Variants in CTC1 observed in about 807,000 individuals in gnomAD.
The protein encoded by CTC1 is CST telomere replication complex component 1, also known as CST complex subunit CTC1.
Under a neutral mutation model 136.3 loss-of-function variants are expected in CTC1, and 91 were observed. The ratio of observed to expected loss-of-function variants is 0.67; its 90% CI spans 0.56 to 0.79. CTC1 has a LOEUF of 0.79. CTC1 is among the 30% of genes least tolerant of loss of function. The pLI is 0.00. For missense variants in CTC1, 1,432 were observed against 1,498.1 expected (o/e 0.96, Z 0.73); for synonymous variants, 606 against 613.8 (o/e 0.99, Z 0.19).
In CTC1 at chr17:8,234,531, A is replaced by G; in HGVS notation, c.1742T>C (p.Leu581Pro). 1 of 1,564,238 alleles carries G rather than the reference A, an allele frequency of 6.4e-7. No individual in the cohort carries two copies. The highest frequency in any genetic ancestry group is 8.7e-7 in the Non-Finnish European group (1 of 1,153,612). Residue 581 changes from leucine (L) to proline (P), a missense_variant, in exon 10 of 23, where the codon CTG (leucine) becomes CCG (proline). Transcript: ENST00000651323. Reference protein sequence around the residue: ...ALLPLPEASYLPSCQLNRRLA... With the variant: ...ALLPLPEASYPPSCQLNRRLA... ...GCGGCGATTGAGTTGGCAGCTGGGC[A>G]GGTAGGAGGCCTCCGGGAGGGGCAG...
At position 8,235,705 on chromosome 17, in the gene CTC1, G is replaced by A. The variant is rs985496488; in HGVS notation, c.1206+126C>T. ...TCTGTCCAAGTTATCCTTAGCAAAA[G>A]TGCCCCCTAACACACACTTTTAATT... On this transcript the variant is annotated intron_variant, in intron 7 of 22. Transcript: ENST00000651323. 19 of 1,024,282 alleles carry A rather than the reference G, an allele frequency of 1.9e-5. 1 individual carries two copies. Among genetic ancestry groups the A allele is most frequent in the Non-Finnish European group, 2.5e-5 (18 of 719,082 alleles). The allele number at this position is 1,024,282 out of a possible 1,614,324, so 63.4% of individuals were successfully genotyped here. A position where few individuals can be genotyped will look rare whatever the true frequency, so the allele number is the denominator to read the frequency against.
chr17:8,234,565 T>G lies in CTC1; in HGVS notation c.1708A>C (p.Lys570Gln). 6.3e-7 allele frequency: 1 copy of G among 1,597,354 alleles called. No individual in the cohort carries two copies. The highest frequency in any genetic ancestry group is 8.5e-7 in the Non-Finnish European group (1 of 1,171,712). Reference protein sequence around the residue: ...QRKAWASFDPKALLPLPEASY... With the variant: ...QRKAWASFDPQALLPLPEASY... ...GCCTCCGGGAGGGGCAGAAGGGCCT[T>G]AGGGTCAAAGGAGGCCCAGGCCTTA... is the stretch of plus-strand genomic sequence containing the variant. Residue 570 changes from lysine to glutamine, a missense_variant, in exon 10 of 23, where the codon AAG (lysine) becomes CAG (glutamine). Coordinates refer to ENST00000651323, the MANE Select transcript of CTC1 (RefSeq NM_025099.6).
Position 8,236,190 on chromosome 17 carries a change from C to T in CTC1, c.945G>A (p.Val315=), listed in dbSNP as rs747627041. ...CTTCCAGCTCCAGTTCCAGCTCCTGCACACATTCTGGTTTCAGCAGCAACA... is the reference window on the plus strand; with the variant it reads ...CTTCCAGCTCCAGTTCCAGCTCCTGTACACATTCTGGTTTCAGCAGCAACA... The part of the protein sequence containing the change: ...SRLLLLKPEC[V]QELELELEGP... The change falls in exon 6 of 23, where the codon GTG becomes GTA. Residue 315 remains valine (V), a synonymous_variant. Coordinates refer to ENST00000651323, the MANE Select transcript of CTC1 (RefSeq NM_025099.6). The T allele has an allele frequency of 6.2e-7, 1 of 1,614,200 alleles. No individual in the cohort carries two copies. The highest frequency in any genetic ancestry group is 8.5e-7 in the Non-Finnish European group (1 of 1,180,042).
chr17:8,231,163 CAAT>C, intron 15 of CTC1, 110 bp downstream of exon 15: 1 of 892,200 alleles, frequency 1.1e-6, no homozygotes, highest in Non-Finnish European at 1.7e-6. Context: ...ACAAAAACAA[CAAT>C]AACAAAAGAA....
chr17:8,241,037 C>T (rs544753680), intron 2 of CTC1, among the ~76,000 whole-genome samples: 89 of 152,110 alleles, frequency 5.9e-4, no homozygotes, highest in Admixed American at 9.8e-4. Context: ...GCCTGTAATC[C>T]CAGCACTCTG....
At chr17:8,242,873 G>T in intron 2 of CTC1, 112 bp downstream of exon 2, 1 of 941,122 alleles carries the variant, frequency 1.1e-6, no homozygotes, top group Non-Finnish European at 1.6e-6. Flanking sequence ...AGACTACCTT[G>T]TCCTCCGCTC....
rs1251110083 is a variant in CTC1 at position 8,230,432 on chromosome 17, G to A, written c.2795C>T (p.Thr932Ile). Residue 932 changes from threonine to isoleucine, a missense_variant, in exon 17 of 23, where the codon ACA becomes ATA. Coordinates refer to ENST00000651323, the MANE Select transcript of CTC1 (RefSeq NM_025099.6). ...TGAMRRCVKL[T>I]VALETAECEF... ...ACATTCAGCAGTCTCAAGAGCGACT[G>A]TTAGCTTCACACACCTTCTCATGGC... is the stretch of plus-strand genomic sequence containing the variant. 6.2e-7 allele frequency: 1 copy of A among 1,614,136 alleles called. No homozygotes were observed.
At chr17:8,237,725 C>T (rs1177331003) in intron 4 of CTC1, among the ~76,000 whole-genome samples, 1 of 128,294 alleles carries the variant, frequency 7.8e-6, no homozygotes, top group Non-Finnish European at 1.6e-5. Flanking sequence ...ATCTTTATTT[C>T]TCTTCTTTTT....
At position 8,227,067 on chromosome 17, in the gene CTC1, T is replaced by C. The variant is rs1986779748; in HGVS notation, c.*1113A>G. On this transcript the variant is annotated 3_prime_UTR_variant, in exon 23 of 23. Coordinates refer to ENST00000651323, the MANE Select transcript of CTC1 (RefSeq NM_025099.6). ...CTAACCAACTGAGCTAACCGGCCAC[T>C]AACTTTCCGGGTCTACTTCAAATCT... 1 of 150,874 alleles carries C rather than the reference T, an allele frequency of 6.6e-6. No homozygotes were observed. Among genetic ancestry groups the C allele is most frequent in the South Asian group, 2.0e-4 (1 of 5,012 alleles). The allele number at this position is 150,874 out of a possible 1,614,324, so 9.3% of individuals were successfully genotyped here.
chr17:8,242,893 C>CT (rs1451695452), intron 2 of CTC1, 92 bp downstream of exon 2: 4 of 1,208,012 alleles, frequency 3.3e-6, no homozygotes, highest in Non-Finnish European at 4.6e-6. Flanking sequence ...CACTCTCTCA[C>CT]TTGCCCTTTT....
At chr17:8,247,246 T>G (rs2151560110) in intron 1 of CTC1, among the ~76,000 whole-genome samples, 1 of 151,012 alleles carries the variant, frequency 6.6e-6, no homozygotes, top group African/African-American at 2.4e-5. Flanking sequence ...TTCAGACACC[T>G]GCTCTATCCT....
At chr17:8,247,069 C>G (rs1988792526) in intron 1 of CTC1, among the ~76,000 whole-genome samples, 1 of 151,362 alleles carries the variant, frequency 6.6e-6, no homozygotes, top group South Asian at 2.1e-4. Context: ...TCTCGGCTCA[C>G]TGCAACCTCC....
chr17:8,231,622 T>C (rs1042860374), intron 14 of CTC1, 104 bp downstream of exon 14: 1 of 1,270,902 alleles, frequency 7.9e-7, no homozygotes, highest in Non-Finnish European at 1.1e-6. Context: ...AATCCAGCCT[T>C]CTTCCAGGAG....
Position 8,232,458 on chromosome 17 carries a change from C to G in CTC1, c.1963G>C (p.Glu655Gln). 6.2e-7 allele frequency: 1 copy of G among 1,614,060 alleles called. No individual in the cohort carries two copies. Among genetic ancestry groups the G allele is most frequent in the Non-Finnish European group, 8.5e-7 (1 of 1,179,942 alleles). Residue 655 changes from glutamate to glutamine, a missense_variant, in exon 12 of 23, where the codon GAG becomes CAG. Physicochemically the swap from Glu to Gln is conservative, Grantham distance 29. Coordinates refer to ENST00000651323, the MANE Select transcript of CTC1 (RefSeq NM_025099.6). ...PRLIGCLVRAERFQLIVERDV... is the reference protein window; with the variant it reads ...PRLIGCLVRAQRFQLIVERDV... Reference sequence around the variant, plus strand: ...CTCTCTACGATCAACTGAAACCTCTCTGCCCGCACCAGGCAGCCTAGAGGA... The same window carrying G: ...CTCTCTACGATCAACTGAAACCTCTGTGCCCGCACCAGGCAGCCTAGAGGA...
chr17:8,247,876 C>T, intron 1 of CTC1, 128 bp downstream of exon 1: 1 of 909,064 alleles, frequency 1.1e-6, no homozygotes, highest in Non-Finnish European at 1.8e-6. Context: ...GACCGACTCA[C>T]AACCCCCTCA....
At position 8,228,079 on chromosome 17, in the gene CTC1, G is replaced by A; in HGVS notation, c.*101C>T. 1 of 1,159,774 alleles carries A rather than the reference G, an allele frequency of 8.6e-7. No individual in the cohort carries two copies. Among genetic ancestry groups the A allele is most frequent in the Non-Finnish European group, 1.2e-6 (1 of 800,212 alleles). 71.8% of individuals were successfully genotyped at this position (1,159,774 alleles called of 1,614,324 possible). A position where few individuals can be genotyped will look rare whatever the true frequency, so the allele number is the denominator to read the frequency against. On this transcript the variant is annotated 3_prime_UTR_variant, in exon 23 of 23. Transcript: ENST00000651323. ...AGTGGAGTAGCAGTTTGTGAATCTG[G>A]AGTCCTTGGTTCAATCACAGAACAA...
intron 1 of CTC1, among the ~76,000 whole-genome samples, chr17:8,245,824 CG>C (rs1988635174): frequency 6.6e-6 from 1 of 151,144 alleles, no homozygotes; most frequent in East Asian, 2.0e-4. Context: ...CCCAGCTACT[CG>C]GGAGGCTGAG....
chr17:8,230,114 C>A (rs1015133562), intron 17 of CTC1, 146 bp from the exon 18 acceptor site: 1 of 982,804 alleles, frequency 1.0e-6, no homozygotes, highest in East Asian at 2.6e-5. Context: ...TAGGGGAAGA[C>A]TAGGAGGAGG....
intron 2 of CTC1, among the ~76,000 whole-genome samples, chr17:8,239,886 CT>C (rs1988066528): frequency 6.6e-6 from 1 of 152,200 alleles, no homozygotes; most frequent in African/African-American, 2.4e-5. Context: ...TCCCTGACAG[CT>C]TTGGAGAAGA....
Sources: allele counts gnomAD v4.1 joint callset (sites outside exome capture counted in the v4.1 genomes callset), GRCh38; gene constraint gnomAD v4.1.1; transcripts MANE v1.5; gene names NCBI Gene and HGNC (gene_info 2026-07-23, HGNC 2026-07-21).